The following RGS6 variants were observed in gnomAD, a reference collection of about 807,000 sequenced individuals.
RGS6 encodes regulator of G protein signaling 6, also known as regulator of G-protein signaling 6.
A neutral mutation model predicts 78.5 loss-of-function variants in RGS6; 30 were observed. The ratio of observed to expected loss-of-function variants is 0.38; its 90% CI spans 0.29 to 0.52. The LOEUF is 0.52. RGS6 is among the 20% of genes least tolerant of loss of function. The pLI, the probability that RGS6 is intolerant of heterozygous loss-of-function variation, is 0.85. For missense variants in RGS6, 495 were observed against 609.7 expected (o/e 0.81, Z 1.98); for synonymous variants, 206 against 206.0 (o/e 1.00, Z 0.00).
intron 2 of RGS6, among the ~76,000 whole-genome samples, chr14:72,236,399 T>C (rs1450018871): frequency 6.6e-6 from 1 of 152,194 alleles, no homozygotes; most frequent in East Asian, 1.9e-4. Flanking sequence ...ATTTAATATA[T>C]ATTTCAGGTA....
the RGS6 span, among the ~76,000 whole-genome samples, chr14:72,593,727 C>A: frequency 1.3e-5 from 2 of 152,288 alleles, no homozygotes; most frequent in South Asian, 4.1e-4. Flanking sequence ...CTCTTATGAT[C>A]TGCTATATCT....
At chr14:72,083,589 C>A (rs1252594941) in intron 2 of RGS6, among the ~76,000 whole-genome samples, 2 of 152,120 alleles carry the variant, frequency 1.3e-5, no homozygotes, top group African/African-American at 4.8e-5. Context: ...TGACGTCCCT[C>A]GGATGGAGCT....
chr14:72,475,199 GTTTT>G (rs11300478), intron 10 of RGS6, among the ~76,000 whole-genome samples: 3 of 122,004 alleles, frequency 2.5e-5, no homozygotes, highest in Admixed American at 9.1e-5. Context: ...CTTTTTTATG[GTTTT>G]TTTTTTTTTT....
intron 2 of RGS6, among the ~76,000 whole-genome samples, chr14:72,263,491 A>T (rs989142627): frequency 2.1e-5 from 3 of 144,014 alleles, no homozygotes; most frequent in Non-Finnish European, 4.5e-5. Flanking sequence ...TCTTATGCAT[A>T]CCTATTGTTG....
At position 72,026,603 on chromosome 14, in the gene RGS6, T is replaced by C. The variant is rs564956776; in HGVS notation, c.84+61728T>C. ...GCCAATCAAAGAATCAATTACAGCC[T>C]CAGCTGAGCACCCACGTGCTGTCAA... On this transcript the variant is annotated intron_variant, in intron 2 of 17. Transcript: ENST00000553525. Among the ~76,000 whole-genome samples, 5 of 152,282 alleles carry C rather than the reference T, an allele frequency of 3.3e-5. No individual in the cohort carries two copies. The South Asian group carries it at 1.0e-3, about 32-fold the overall frequency.
At chr14:71,941,210 A>C (rs2090484373) in intron 1 of RGS6, among the ~76,000 whole-genome samples, 1 of 152,144 alleles carries the variant, frequency 6.6e-6, no homozygotes, top group African/African-American at 2.4e-5. Flanking sequence ...AGAGTCGCTA[A>C]ACTCCCTGCC....
intron 15 of RGS6, among the ~76,000 whole-genome samples, chr14:72,534,937 C>T (rs2097228574): frequency 1.3e-5 from 2 of 152,196 alleles, no homozygotes; most frequent in African/African-American, 2.4e-5. Flanking sequence ...GAAGATGCTT[C>T]CTCCACCAGG....
intron 2 of RGS6, among the ~76,000 whole-genome samples, chr14:72,011,721 C>T (rs1319576871): frequency 6.6e-6 from 1 of 152,080 alleles, no homozygotes; most frequent in Non-Finnish European, 1.5e-5. Context: ...TATGAAAATA[C>T]TACACCACTT....
chr14:72,217,108 G>T (rs954392253), intron 2 of RGS6, among the ~76,000 whole-genome samples: 2 of 152,130 alleles, frequency 1.3e-5, no homozygotes, highest in African/African-American at 4.8e-5. Context: ...TCTCCTAACA[G>T]CTCAAAGATA....
intron 2 of RGS6, among the ~76,000 whole-genome samples, chr14:72,275,232 T>C (rs2060502082): frequency 6.6e-6 from 1 of 152,252 alleles, no homozygotes; most frequent in Non-Finnish European, 1.5e-5. Context: ...ACATATTAAT[T>C]TTGTGATTAA....
the RGS6 span, among the ~76,000 whole-genome samples, chr14:72,580,203 T>C: frequency 6.6e-6 from 1 of 152,098 alleles, no homozygotes; most frequent in Non-Finnish European, 1.5e-5. Context: ...CTTCTCCTGG[T>C]AGTGACACCT....
At chr14:72,538,512 T>C (rs1029251208) in intron 16 of RGS6, among the ~76,000 whole-genome samples, 2 of 152,186 alleles carry the variant, frequency 1.3e-5, no homozygotes, top group African/African-American at 4.8e-5. Flanking sequence ...CAATGGCCAG[T>C]GCAAGGCAGA....
intron 4 of RGS6, among the ~76,000 whole-genome samples, chr14:72,457,562 C>T (rs1300316340): frequency 6.6e-6 from 1 of 152,076 alleles, no homozygotes; most frequent in Non-Finnish European, 1.5e-5. Context: ...GGATTACAGG[C>T]GTGAGCCACC....
the RGS6 span, among the ~76,000 whole-genome samples, chr14:71,897,028 C>A: frequency 6.6e-6 from 1 of 152,230 alleles, no homozygotes; most frequent in Non-Finnish European, 1.5e-5. Context: ...GTTGCACTTA[C>A]TGCCATTCAT....
intron 9 of RGS6, 125 bp from the exon 10 acceptor site, chr14:72,474,499 GA>G (rs370523111): frequency 9.6e-5 from 81 of 846,964 alleles, no homozygotes; most frequent in Non-Finnish European, 1.2e-4. Context: ...TGGCAAAATG[GA>G]AAAAAAAATC....
chr14:72,140,664 G>A (rs1009848557), intron 2 of RGS6, among the ~76,000 whole-genome samples: 2 of 152,234 alleles, frequency 1.3e-5, no homozygotes, highest in Non-Finnish European at 2.9e-5. Flanking sequence ...ACACATCTGA[G>A]TAAAAGCGCC....
rs778758332 is a variant in RGS6, at chr14:72,540,169, T to A, written c.1422+75T>A. 4 of 1,525,818 alleles carry A rather than the reference T, an allele frequency of 2.6e-6. No individual in the cohort carries two copies. The African/African-American group carries it at 5.6e-5, about 21-fold the overall frequency. The allele number at this position is 1,525,818 out of a possible 1,614,324, so 94.5% of individuals were successfully genotyped here. On this transcript the variant is annotated intron_variant, in intron 17 of 17. Transcript: ENST00000553525. ...TTTCTTTCTTCTTCTTTTTTTTTTT[T>A]TTCCCTTTGGTTGTTGTTTCCTTTG...
At chr14:72,193,464 A>G (rs1268647204) in intron 2 of RGS6, among the ~76,000 whole-genome samples, 1 of 152,180 alleles carries the variant, frequency 6.6e-6, no homozygotes, top group African/African-American at 2.4e-5. Flanking sequence ...CCATTCATTC[A>G]TTCAACCCAT....
At chr14:72,190,749 G>A (rs1349278901) in intron 2 of RGS6, among the ~76,000 whole-genome samples, 3 of 152,200 alleles carry the variant, frequency 2.0e-5, no homozygotes, top group African/African-American at 7.2e-5. Flanking sequence ...TGTTGGTGTG[G>A]TCCTAGCCTT....
Sources: gnomAD v4.1 joint callset for allele counts (sites outside exome capture counted in the v4.1 genomes callset) on GRCh38, gnomAD v4.1.1 for gene constraint, MANE v1.5 for transcripts, NCBI Gene and HGNC (gene_info 2026-07-23, HGNC 2026-07-21) for gene names.